SIRPA: variants seen among roughly 807,000 people sequenced by gnomAD.
SIRPA encodes the protein tyrosine-protein phosphatase non-receptor type substrate 1.
SIRPA carries 9 observed loss-of-function variants against 50.3 expected under a neutral mutation model. That is an observed-to-expected ratio of 0.18 (90% CI 0.11 to 0.31). The LOEUF is 0.31. Among genes scored for constraint, SIRPA ranks in the 10% least tolerant of loss-of-function variants. The pLI is 1.00. For missense variants in SIRPA, 474 were observed against 661.6 expected (o/e 0.72, Z 3.11); for synonymous variants, 265 against 284.1 (o/e 0.93, Z 0.68).
At position 1,937,689 on chromosome 20, in the gene SIRPA, C is replaced by A. The variant is rs1986671726; in HGVS notation, c.*121C>A. Reference sequence around the variant, plus strand: ...GCTGGGGCGGTGCAGGCTCTGGGACCCAGGGGCCAGGGTGGCTCTTCTCTC... The same window carrying A: ...GCTGGGGCGGTGCAGGCTCTGGGACACAGGGGCCAGGGTGGCTCTTCTCTC... On this transcript the variant is annotated 3_prime_UTR_variant, in exon 8 of 8. Transcript: ENST00000358771. This position sits in a 1 kb window ranked among gnomAD's most constrained non-coding sequence, Gnocchi z 8.3. 2 of 1,341,200 alleles carry A rather than the reference C, an allele frequency of 1.5e-6. No homozygotes were observed. Among genetic ancestry groups the A allele is most frequent in the South Asian group, 2.8e-5 (2 of 71,958 alleles). The allele number at this position is 1,341,200 out of a possible 1,614,324, so 83.1% of individuals were successfully genotyped here. A position where few individuals can be genotyped will look rare whatever the true frequency, so the allele number is the denominator to read the frequency against.
chr20:1,932,137 G>C lies in SIRPA; in HGVS notation c.1227-2578G>C, dbSNP rs1600457696. Among the ~76,000 whole-genome samples, 1 of 152,138 alleles carries C rather than the reference G, an allele frequency of 6.6e-6. No individual in the cohort carries two copies. The highest frequency in any genetic ancestry group is 1.5e-5 in the Non-Finnish European group (1 of 68,020). Reference sequence around the variant, plus strand: ...TGTGCCAGCCCAGTTCTTGGTGCTGGGGCTTCAGCAGTGAATGAGACTGGC... The same window carrying C: ...TGTGCCAGCCCAGTTCTTGGTGCTGCGGCTTCAGCAGTGAATGAGACTGGC... On this transcript the variant is annotated intron_variant, in intron 6 of 7. Transcript: ENST00000358771. This position sits in a 1 kb window ranked among gnomAD's most constrained non-coding sequence, Gnocchi z 6.0.
Position 1,904,155 on chromosome 20 carries a change from C to A in SIRPA, c.79+8629C>A, listed in dbSNP as rs189599385. Among the ~76,000 whole-genome samples, 172 of 152,304 alleles carry A rather than the reference C, an allele frequency of 1.1e-3. 3 individuals carry two copies. The highest frequency in any genetic ancestry group is 4.0e-3 in the African/African-American group (168 of 41,568). On this transcript the variant is annotated intron_variant, in intron 1 of 7. Transcript: ENST00000358771. The stretch of plus-strand genomic sequence containing the variant: ...CCAGGGCCGGGATCATACCACAATT[C>A]CCTGCCCATCAAGCTGTCATGAATA...
At chr20:1,906,442 A>G (rs1984554093) in intron 1 of SIRPA, among the ~76,000 whole-genome samples, 1 of 152,226 alleles carries the variant, frequency 6.6e-6, no homozygotes, top group African/African-American at 2.4e-5. Context: ...TGAGGTGGGT[A>G]GTATTTTAGA....
Position 1,898,803 on chromosome 20 carries a change from G to C in SIRPA, c.79+3277G>C, listed in dbSNP as rs6081084. On this transcript the variant is annotated intron_variant, in intron 1 of 7. Transcript: ENST00000358771. The surrounding 1 kb of genome is among the most constrained non-coding windows in gnomAD (Gnocchi z 4.3). ...GTCACAGGCATTTCTCTGAAAGCCT[G>C]CTGAGGGTGGAAATACTGACAGCCC... 0.14 allele frequency among the ~76,000 whole-genome samples: 21,039 copies of C among 152,020 alleles called. 1,892 individuals carry two copies. Among genetic ancestry groups the C allele is most frequent in the Admixed American group, 0.2 (3,050 of 15,286 alleles).
At chr20:1,910,141 C>G (rs1306394236) in intron 1 of SIRPA, among the ~76,000 whole-genome samples, 1 of 152,092 alleles carries the variant, frequency 6.6e-6, no homozygotes, top group African/African-American at 2.4e-5. Flanking sequence ...CCATCTTTGC[C>G]TCGAGGGTGG....
chr20:1,895,194 C>A, upstream of SIRPA: 1 of 370,374 alleles, frequency 2.7e-6, no homozygotes, highest in Non-Finnish European at 4.8e-6. Flanking sequence ...CTGGCCGCCC[C>A]TGGCTTTATT....
chr20:1,896,036 G>A (rs1417690612), intron 1 of SIRPA, among the ~76,000 whole-genome samples: 1 of 152,226 alleles, frequency 6.6e-6, no homozygotes, highest in Admixed American at 6.5e-5. Flanking sequence ...CCTCTGGTGC[G>A]CAGAGTAAAC....
chr20:1,934,900 C>A lies in SIRPA; in HGVS notation c.1266+146C>A. ...TTACACTCCTAGCTTTCCCCATGTC[C>A]TGTGCATATTCCTTCTCTCTACTGC... On this transcript the variant is annotated intron_variant, in intron 7 of 7. Transcript: ENST00000358771. This position sits in a 1 kb window ranked among gnomAD's most constrained non-coding sequence, Gnocchi z 4.6. The A allele has an allele frequency of 1.2e-6, 1 of 851,192 alleles. No individual in the cohort carries two copies. Among genetic ancestry groups the A allele is most frequent in the Admixed American group, 2.2e-5 (1 of 45,400 alleles). 52.7% of individuals were successfully genotyped at this position (851,192 alleles called of 1,614,324 possible).
At chr20:1,926,078 C>T (rs979456831) in intron 5 of SIRPA, among the ~76,000 whole-genome samples, 1 of 152,232 alleles carries the variant, frequency 6.6e-6, no homozygotes, top group Non-Finnish European at 1.5e-5. Context: ...ACATTGTACA[C>T]TAATCACGCA....
rs1983983861 is a variant in SIRPA at position 1,898,806 on chromosome 20, G to A, written c.79+3280G>A. 6.6e-6 allele frequency among the ~76,000 whole-genome samples: 1 copy of A among 152,090 alleles called. No individual in the cohort carries two copies. The highest frequency in any genetic ancestry group is 2.4e-5 in the African/African-American group (1 of 41,424). On this transcript the variant is annotated intron_variant, in intron 1 of 7. Transcript: ENST00000358771. The surrounding 1 kb of genome is among the most constrained non-coding windows in gnomAD (Gnocchi z 4.3). ...ACAGGCATTTCTCTGAAAGCCTGCT[G>A]AGGGTGGAAATACTGACAGCCCCTT... is the stretch of plus-strand genomic sequence containing the variant.
In SIRPA at chr20:1,927,733, G is replaced by GA; in HGVS notation, c.1202-142_1202-141insA. ...AAGAGGATGCCCACTGGGTGGGCAT[G>GA]GGGGTCTCCTGTGGTTCCAAGGATG... On this transcript the variant is annotated intron_variant, in intron 5 of 7. Transcript: ENST00000358771. This position sits in a 1 kb window ranked among gnomAD's most constrained non-coding sequence, Gnocchi z 6.5. The GA allele has an allele frequency of 1.3e-6, 1 of 753,612 alleles. No homozygotes were observed. Among genetic ancestry groups the GA allele is most frequent in the Non-Finnish European group, 2.4e-6 (1 of 418,732 alleles). 46.7% of individuals were successfully genotyped at this position (753,612 alleles called of 1,614,324 possible).
At chr20:1,897,049 C>T (rs115663917) in intron 1 of SIRPA, among the ~76,000 whole-genome samples, 1,873 of 152,268 alleles carry the variant, frequency 0.012, 39 homozygotes, top group African/African-American at 0.04. Flanking sequence ...ATTCCAGACC[C>T]TTCTCCGACC....
chr20:1,927,967 C>A lies in SIRPA; in HGVS notation c.1226+68C>A. On this transcript the variant is annotated intron_variant, in intron 6 of 7. Transcript: ENST00000358771. The surrounding 1 kb of genome is among the most constrained non-coding windows in gnomAD (Gnocchi z 6.5). ...GGTTATTTGACAGCCCCCCAGACTA[C>A]AAAGCATAATCCATGTCCACTGACC... is the stretch of plus-strand genomic sequence containing the variant. 1.5e-6 allele frequency: 2 copies of A among 1,354,388 alleles called. No individual in the cohort carries two copies. Among genetic ancestry groups the A allele is most frequent in the Non-Finnish European group, 2.1e-6 (2 of 943,012 alleles). The allele number at this position is 1,354,388 out of a possible 1,614,324, so 83.9% of individuals were successfully genotyped here.
At chr20:1,925,693 T>C (rs1985937333) in intron 5 of SIRPA, among the ~76,000 whole-genome samples, 1 of 152,214 alleles carries the variant, frequency 6.6e-6, no homozygotes, top group African/African-American at 2.4e-5. Context: ...AAGCCTCAGT[T>C]TCCCCATCTG....
chr20:1,922,235 G>A, intron 3 of SIRPA, 78 bp from the exon 4 acceptor site: 5 of 1,573,778 alleles, frequency 3.2e-6, no homozygotes, highest in Non-Finnish European at 4.3e-6. Flanking sequence ...TCACCGTGGT[G>A]GGGGAGCTAC....
chr20:1,931,621 T>G (rs1443621011), intron 6 of SIRPA, among the ~76,000 whole-genome samples: 1 of 152,216 alleles, frequency 6.6e-6, no homozygotes, highest in Non-Finnish European at 1.5e-5. Context: ...TTTGGCTTGC[T>G]GGGATCAGAC....
At chr20:1,917,494 C>T (rs758027904) in intron 2 of SIRPA, among the ~76,000 whole-genome samples, 2 of 152,112 alleles carry the variant, frequency 1.3e-5, no homozygotes, top group African/African-American at 2.4e-5. Flanking sequence ...GAGCCGAGAT[C>T]GCACCACTGT....
In SIRPA at chr20:1,927,090, T is replaced by C. The variant is rs56388363; in HGVS notation, c.1202-785T>C. 0.041 allele frequency among the ~76,000 whole-genome samples: 6,316 copies of C among 152,306 alleles called. 450 individuals are homozygous for C. The highest frequency in any genetic ancestry group is 0.14 in the African/African-American group (6,011 of 41,554). ...CCAACTGGTACACCTCATCTAAAGA[T>C]CCAGGACCTGCCCAGGCAGCAAGCG... On this transcript the variant is annotated intron_variant, in intron 5 of 7. Transcript: ENST00000358771. This position sits in a 1 kb window ranked among gnomAD's most constrained non-coding sequence, Gnocchi z 6.5.
chr20:1,930,898 A>G (rs2122170526), intron 6 of SIRPA, among the ~76,000 whole-genome samples: 1 of 152,254 alleles, frequency 6.6e-6, no homozygotes, highest in South Asian at 2.1e-4. Flanking sequence ...CCCTGTTGTC[A>G]TTATTTTTTA....
Sources: gnomAD v4.1 joint callset for allele counts (sites outside exome capture counted in the v4.1 genomes callset) on GRCh38, gnomAD v4.1.1 for gene constraint, Gnocchi (gnomAD v3.1) non-coding constraint, MANE v1.5 for transcripts, NCBI Gene and HGNC (gene_info 2026-07-23, HGNC 2026-07-21) for gene names.